Variants in SLC25A13 observed in about 807,000 individuals in gnomAD.
SLC25A13 encodes the protein electrogenic aspartate/glutamate antiporter SLC25A13, mitochondrial.
SLC25A13 carries 70 observed loss-of-function variants against 85.5 expected under a neutral mutation model. The ratio of observed to expected loss-of-function variants is 0.82; its 90% CI spans 0.68 to 1.00. SLC25A13 has a LOEUF of 1.00. Among genes scored for constraint, SLC25A13 ranks in the 50% least tolerant of loss-of-function variants. SLC25A13 has a pLI of 0.00. For synonymous variants in SLC25A13, 259 were observed against 288.7 expected, an observed-to-expected ratio of 0.90 and a Z score of 1.04; for missense variants, 765 against 819.8, an observed-to-expected ratio of 0.93 and a Z score of 0.82.
At chr7:96,158,242 T>C (rs1793365298) in intron 13 of SLC25A13, among the ~76,000 whole-genome samples, 1 of 152,168 alleles carries the variant, frequency 6.6e-6, no homozygotes, top group Non-Finnish European at 1.5e-5. Context: ...TAGATAAAAA[T>C]ACAAGCCTTC....
intron 5 of SLC25A13, among the ~76,000 whole-genome samples, chr7:96,194,271 CAAAAAAA>C (rs150127746): frequency 8.1e-6 from 1 of 123,982 alleles, no homozygotes; most frequent in Non-Finnish European, 1.7e-5. Flanking sequence ...CCCATCTCTA[CAAAAAAA>C]AAAAAAAAAA....
At chr7:96,321,706 AGTGTCC>A (rs1012964448) in intron 1 of SLC25A13, among the ~76,000 whole-genome samples, 47 of 152,244 alleles carry the variant, frequency 3.1e-4, no homozygotes, top group South Asian at 1.9e-3. Flanking sequence ...GCCAAGTGGG[AGTGTCC>A]GGCCCACAAA....
At chr7:96,185,204 A>G (rs986711659) in intron 9 of SLC25A13, among the ~76,000 whole-genome samples, 193 bp from the exon 10 acceptor site, 10 of 152,260 alleles carry the variant, frequency 6.6e-5, no homozygotes, top group African/African-American at 2.4e-4. Context: ...AGTGCTATTA[A>G]TGTTTAAAAC....
At chr7:96,225,533 GA>G (rs5885947) in intron 4 of SLC25A13, among the ~76,000 whole-genome samples, 76,327 of 132,304 alleles carry the variant, frequency 0.58, 20,926 homozygotes, top group Non-Finnish European at 0.65. Flanking sequence ...TGTTTCAAAA[GA>G]AAAAAAAAAA....
At chr7:96,259,483 A>G (rs1170575209) in intron 3 of SLC25A13, among the ~76,000 whole-genome samples, 1 of 152,224 alleles carries the variant, frequency 6.6e-6, no homozygotes, top group African/African-American at 2.4e-5. Flanking sequence ...TCATTAGAGA[A>G]ATGGAAATCA....
At chr7:96,180,027 C>T (rs1468809464) in intron 11 of SLC25A13, among the ~76,000 whole-genome samples, 1 of 152,180 alleles carries the variant, frequency 6.6e-6, no homozygotes, top group East Asian at 1.9e-4. Flanking sequence ...ATCAATAACT[C>T]CCTGAGATAT....
intron 14 of SLC25A13, among the ~76,000 whole-genome samples, chr7:96,141,019 CTTTTTTTTTT>C (rs11433644): frequency 8.0e-6 from 1 of 124,708 alleles, no homozygotes; most frequent in Non-Finnish European, 1.7e-5. Context: ...TTTTTTCTTT[CTTTTTTTTTT>C]TTTTTTTTAG....
rs1800372585 is a variant in SLC25A13, at chr7:96,321,985, G to C, written c.-29C>G. ...TCGCCCCGGTTGCGGGCGACTGCGG[G>C]ACCCACTGACTGGCTGGCTGGCGTT... On this transcript the variant is annotated 5_prime_UTR_variant, in exon 1 of 18. Transcript: ENST00000265631. The C allele has an allele frequency of 3.3e-6, 5 of 1,537,162 alleles. No homozygotes were observed. Among genetic ancestry groups the C allele is most frequent in the South Asian group, 1.2e-5 (1 of 82,314 alleles).
intron 3 of SLC25A13, among the ~76,000 whole-genome samples, chr7:96,263,026 G>A (rs1238268855): frequency 1.0e-3 from 135 of 133,210 alleles, no homozygotes; most frequent in Non-Finnish European, 1.3e-3. Flanking sequence ...AACCATCTAG[G>A]AAAAAAAAAA....
At chr7:96,121,463 T>G (rs1478183165) in intron 17 of SLC25A13, 86 bp from the exon 18 acceptor site, 12 of 1,522,782 alleles carry the variant, frequency 7.9e-6, no homozygotes, top group Non-Finnish European at 1.1e-5. Context: ...TGTTCAAATA[T>G]TTAATGTAAA....
intron 13 of SLC25A13, among the ~76,000 whole-genome samples, chr7:96,163,736 G>T (rs1043232974): frequency 6.6e-6 from 1 of 152,120 alleles, no homozygotes; most frequent in African/African-American, 2.4e-5. Context: ...AATCAGTAGA[G>T]AAATGGCAAA....
Position 96,146,610 on chromosome 7 carries a change from AGGACCAGT to A in SLC25A13, c.1390_1397del (p.Thr464SerfsTer48). 6.2e-7 allele frequency: 1 copy of A among 1,614,052 alleles called. No individual in the cohort carries two copies. The highest frequency in any genetic ancestry group is 8.5e-7 in the Non-Finnish European group (1 of 1,179,998). On this transcript the variant is annotated frameshift_variant, in exon 14 of 18. Coordinates refer to ENST00000265631, the MANE Select transcript of SLC25A13 (RefSeq NM_014251.3). LOFTEE classifies it high-confidence loss of function. ...GCACGACAGACAGAGCACTGACTCGAGGACCAGTGGTGATTTCTCCTGCCACTTGCAAA... is the reference window on the plus strand; with the variant it reads ...GCACGACAGACAGAGCACTGACTCGAGGTGATTTCTCCTGCCACTTGCAAA...
intron 1 of SLC25A13, among the ~76,000 whole-genome samples, chr7:96,304,431 T>C (rs1799665241): frequency 6.6e-6 from 1 of 152,178 alleles, no homozygotes; most frequent in East Asian, 1.9e-4. Flanking sequence ...TTGTAGAACA[T>C]AAACTAGAAA....
chr7:96,193,083 A>G lies in SLC25A13; in HGVS notation c.569T>C (p.Ile190Thr), dbSNP rs1301130297. The G allele has an allele frequency of 1.2e-6, 2 of 1,614,036 alleles. No individual in the cohort carries two copies. Among genetic ancestry groups the G allele is most frequent in the Non-Finnish European group, 1.7e-6 (2 of 1,180,040 alleles). The stretch of plus-strand genomic sequence containing the variant: ...AAAAGGAGTCAAGACATGGGGGCGG[A>G]TGGTGACCATGATGTCTCGGAAGTC... ...AIDFRDIMVT[I>T]RPHVLTPFVE... is the part of the protein sequence containing the mutation. Residue 190 changes from isoleucine (I) to threonine (T), a missense_variant, in exon 6 of 18, where the codon ATC becomes ACC. By Grantham distance (89) the Ile-to-Thr change is moderately conservative. Transcript: ENST00000265631.
intron 9 of SLC25A13, 128 bp from the exon 10 acceptor site, chr7:96,185,139 G>T: frequency 1.6e-6 from 1 of 607,072 alleles, no homozygotes; most frequent in South Asian, 3.5e-5. Context: ...CAACTAAAAT[G>T]TCAAGGAAAA....
chr7:96,123,686 A>C lies in SLC25A13; in HGVS notation c.1592-1689T>G, dbSNP rs181521432. Among the ~76,000 whole-genome samples the C allele has an allele frequency of 2.4e-4, 37 of 152,286 alleles. No individual in the cohort carries two copies. The East Asian group carries it at 7.0e-3, about 29-fold the overall frequency. On this transcript the variant is annotated intron_variant, in intron 15 of 17. Coordinates refer to ENST00000265631, the MANE Select transcript of SLC25A13 (RefSeq NM_014251.3). ...CTAGGCAGGTATCTGGTAAGGCCTA[A>C]AAGGAATTTTGGACATCTTGGTGGA...
At chr7:96,186,184 C>T (rs1323764543) in intron 9 of SLC25A13, among the ~76,000 whole-genome samples, 3 of 152,142 alleles carry the variant, frequency 2.0e-5, no homozygotes, top group Non-Finnish European at 1.5e-5. Context: ...AATCCCAGCA[C>T]TTTGGGAGGC....
At chr7:96,182,236 CATCAT>C (rs1794445370) in intron 11 of SLC25A13, among the ~76,000 whole-genome samples, 1 of 152,214 alleles carries the variant, frequency 6.6e-6, no homozygotes, top group Non-Finnish European at 1.5e-5. Flanking sequence ...AACTGTCAGT[CATCAT>C]TTTGCTCTCA....
chr7:96,193,036 C>A lies in SLC25A13; in HGVS notation c.615+1G>T. On this transcript the variant is annotated splice_donor_variant, in intron 6 of 17. Coordinates refer to ENST00000265631, the MANE Select transcript of SLC25A13 (RefSeq NM_014251.3). LOFTEE classifies it high-confidence loss of function. ...CTTCATTAGGGCAAGTTACAACTTACAGCTACTAGACATTCTTCTACAAAA... is the reference window on the plus strand; with the variant it reads ...CTTCATTAGGGCAAGTTACAACTTAAAGCTACTAGACATTCTTCTACAAAA... The A allele has an allele frequency of 6.2e-7, 1 of 1,613,946 alleles. No homozygotes were observed.
Sources: gnomAD v4.1 joint callset for allele counts (sites outside exome capture counted in the v4.1 genomes callset) on GRCh38, gnomAD v4.1.1 for gene constraint, MANE v1.5 for transcripts, NCBI Gene and HGNC (gene_info 2026-07-23, HGNC 2026-07-21) for gene names.